COL18A1: variants seen among roughly 807,000 people sequenced by gnomAD.
COL18A1 encodes collagen alpha-1(XVIII) chain.
A neutral mutation model predicts 168.0 loss-of-function variants in COL18A1; 133 were observed. The ratio of observed to expected loss-of-function variants is 0.79; its 90% CI spans 0.69 to 0.91. The LOEUF (loss-of-function observed/expected upper bound fraction) is 0.91, where lower values mean the gene tolerates loss of function less well. Ranked by LOEUF, COL18A1 falls within the 40% of genes least tolerant of loss-of-function variation. The pLI, the probability that COL18A1 is intolerant of heterozygous loss-of-function variation, is 0.00. For synonymous variants in COL18A1, 949 were observed against 809.0 expected (o/e 1.17, Z -2.94); for missense variants, 2,126 against 1,925.4 (o/e 1.10, Z -1.95).
At chr21:45,442,770 G>A (rs1176207572) in intron 2 of COL18A1, among the ~76,000 whole-genome samples, 1 of 111,316 alleles carries the variant, frequency 9.0e-6, no homozygotes, top group Admixed American at 8.2e-5. Context: ...CGGTGCTGGT[G>A]TGGGCGGCGG....
At chr21:45,451,717 G>A (rs748105515) in intron 2 of COL18A1, among the ~76,000 whole-genome samples, 14 of 152,170 alleles carry the variant, frequency 9.2e-5, no homozygotes, top group Non-Finnish European at 1.5e-4. Flanking sequence ...TGGGAAGGTC[G>A]ATCTCAGGCC....
In COL18A1 at chr21:45,405,480, C is replaced by A; in HGVS notation, c.106+7C>A. 7.4e-7 allele frequency: 1 copy of A among 1,360,048 alleles called. No individual in the cohort carries two copies. Among genetic ancestry groups the A allele is most frequent in the South Asian group, 1.6e-5 (1 of 63,912 alleles). The allele number at this position is 1,360,048 out of a possible 1,614,324, so 84.2% of individuals were successfully genotyped here. ...GCGGCCTCCGCGGAGCCAGGTAAGA[C>A]CCGGGCGGGACGGGAAGGTTCGCGC... is the stretch of plus-strand genomic sequence containing the variant. On this transcript the variant is annotated splice_region_variant and intron_variant, in intron 2 of 41. Coordinates refer to ENST00000651438, the MANE Select transcript of COL18A1 (RefSeq NM_001379500.1).
intron 32 of COL18A1, among the ~76,000 whole-genome samples, chr21:45,500,505 G>T: frequency 1.5e-5 from 1 of 66,978 alleles, no homozygotes; most frequent in Non-Finnish European, 2.9e-5. Flanking sequence ...GTAGTGTGGG[G>T]GTGTGGTTTG....
chr21:45,410,157 A>G (rs2033246533), intron 2 of COL18A1: 1 of 152,106 alleles, frequency 6.6e-6, no homozygotes, highest in South Asian at 2.1e-4. Context: ...CTTCTTCCAC[A>G]GGAGCCGTGG....
At chr21:45,462,909 A>T (rs969150888) in intron 2 of COL18A1, among the ~76,000 whole-genome samples, 3 of 152,126 alleles carry the variant, frequency 2.0e-5, no homozygotes, top group Non-Finnish European at 4.4e-5. Flanking sequence ...GTTACTTTTT[A>T]AAAAATGTTT....
At chr21:45,510,951 A>ACAC (rs373483892) in intron 40 of COL18A1, among the ~76,000 whole-genome samples, 160 bp from the exon 41 acceptor site, 3 of 98,864 alleles carry the variant, frequency 3.0e-5, no homozygotes, top group African/African-American at 8.5e-5. Context: ...ACACACCCAC[A>ACAC]ACACCCCACA....
chr21:45,421,711 C>T (rs1317326061), intron 2 of COL18A1: 3 of 442,788 alleles, frequency 6.8e-6, no homozygotes, highest in Non-Finnish European at 9.1e-6. Flanking sequence ...GCCGTGCCTG[C>T]CTGGCACAGA....
rs1043638583 is a variant in COL18A1 at position 45,456,929 on chromosome 21, A to G, written c.107-11313A>G. ...CCCACCCTTTCCTTTTTGCCTTGCC[A>G]GGTAAGTGTGGGCGGGGCTGACGTG... is the stretch of plus-strand genomic sequence containing the variant. On this transcript the variant is annotated intron_variant, in intron 2 of 41. Coordinates refer to ENST00000651438, the MANE Select transcript of COL18A1 (RefSeq NM_001379500.1). 37 of 1,366,118 alleles carry G rather than the reference A, an allele frequency of 2.7e-5. No homozygotes were observed. In the African/African-American group the frequency reaches 4.9e-4, roughly 18 times the overall value. 84.6% of individuals were successfully genotyped at this position (1,366,118 alleles called of 1,614,324 possible).
At position 45,487,424 on chromosome 21, in the gene COL18A1, C is replaced by A. The variant is rs73370824; in HGVS notation, c.1834-23C>A. The A allele has an allele frequency of 0.072, 115,492 of 1,611,454 alleles. 5,666 individuals are homozygous for A. Among genetic ancestry groups the A allele is most frequent in the African/African-American group, 0.23 (17,233 of 74,986 alleles). Reference sequence around the variant, plus strand: ...CCCTAAGAAGGGACACAGGCCCCTACGTGTCTCGTGTGTCTCTTCCAGGAT... The same window carrying A: ...CCCTAAGAAGGGACACAGGCCCCTAAGTGTCTCGTGTGTCTCTTCCAGGAT... On this transcript the variant is annotated intron_variant, in intron 16 of 41. Coordinates refer to ENST00000651438, the MANE Select transcript of COL18A1 (RefSeq NM_001379500.1).
chr21:45,454,600 G>A (rs1338247618), intron 2 of COL18A1, among the ~76,000 whole-genome samples: 1 of 152,240 alleles, frequency 6.6e-6, no homozygotes, highest in East Asian at 1.9e-4. Context: ...GGGGTCACCA[G>A]GCTCATGCCT....
At chr21:45,441,045 C>G (rs2034356792) in intron 2 of COL18A1, among the ~76,000 whole-genome samples, 1 of 152,210 alleles carries the variant, frequency 6.6e-6, no homozygotes, top group East Asian at 1.9e-4. Flanking sequence ...GATGCAAACC[C>G]CGGGGACACC....
chr21:45,456,226 C>A, intron 2 of COL18A1: 1 of 1,605,228 alleles, frequency 6.2e-7, no homozygotes, highest in Non-Finnish European at 8.5e-7. Context: ...CCTGGGGAAG[C>A]CTGCAGGACC....
intron 39 of COL18A1, among the ~76,000 whole-genome samples, 191 bp from the exon 40 acceptor site, chr21:45,509,873 C>T (rs949435339): frequency 2.3e-4 from 35 of 152,320 alleles, no homozygotes; most frequent in African/African-American, 7.0e-4. Context: ...CCACGTGGCC[C>T]GGGGCTGCTC....
intron 28 of COL18A1, 181 bp downstream of exon 28, chr21:45,495,096 A>G (rs989092384): frequency 3.0e-6 from 2 of 665,696 alleles, no homozygotes; most frequent in African/African-American, 3.6e-5. Context: ...GCAGTACCCC[A>G]CGAGGGGCCA....
chr21:45,504,103 C>T (rs758070694), intron 33 of COL18A1, 49 bp downstream of exon 33: 2 of 1,591,210 alleles, frequency 1.3e-6, no homozygotes, highest in East Asian at 2.2e-5. Flanking sequence ...CCTGTACATC[C>T]CGCTGGGTGG....
intron 38 of COL18A1, among the ~76,000 whole-genome samples, chr21:45,509,012 A>AGAAGGTC (rs1446211728): frequency 2.6e-5 from 4 of 152,104 alleles, no homozygotes; most frequent in African/African-American, 9.7e-5. Flanking sequence ...CTGGGAGATT[A>AGAAGGTC]GAAGGTCGAA....
chr21:45,414,687 G>A (rs908558260), intron 2 of COL18A1, among the ~76,000 whole-genome samples: 1 of 152,218 alleles, frequency 6.6e-6, no homozygotes, highest in East Asian at 1.9e-4. Context: ...GCCCGCCAGT[G>A]AGAGGGCAGA....
intron 2 of COL18A1, chr21:45,456,130 GC>G: frequency 6.3e-7 from 1 of 1,585,304 alleles, no homozygotes; most frequent in East Asian, 2.2e-5. Flanking sequence ...CCCTGGGCAG[GC>G]CCTGGGCACC....
At chr21:45,440,236 G>C (rs550442556) in intron 2 of COL18A1, among the ~76,000 whole-genome samples, 1 of 152,384 alleles carries the variant, frequency 6.6e-6, no homozygotes, top group South Asian at 2.1e-4. Flanking sequence ...GGAATTTGCT[G>C]CGTTCTCCAA....
Sources: allele counts gnomAD v4.1 joint callset (sites outside exome capture counted in the v4.1 genomes callset), GRCh38; gene constraint gnomAD v4.1.1; transcripts MANE v1.5; gene names NCBI Gene and HGNC (gene_info 2026-07-23, HGNC 2026-07-21).